The following SEMA3F variants were observed in gnomAD, a reference collection of about 807,000 sequenced individuals.
SEMA3F encodes the protein semaphorin 3F.
SEMA3F carries 30 observed loss-of-function variants against 98.5 expected under a neutral mutation model. That is an observed-to-expected ratio of 0.30 (90% CI 0.23 to 0.41). The LOEUF (loss-of-function observed/expected upper bound fraction) is 0.41, where lower values mean the gene tolerates loss of function less well. Ranked by LOEUF, SEMA3F falls within the 10% of genes least tolerant of loss-of-function variation. The pLI is 1.00. For missense variants in SEMA3F, 866 were observed against 1,119.3 expected, an observed-to-expected ratio of 0.77 and a Z score of 3.23; for synonymous variants, 380 against 444.8, an observed-to-expected ratio of 0.85 and a Z score of 1.83.
At chr3:50,181,439 A>G (rs2109108685) in intron 7 of SEMA3F, among the ~76,000 whole-genome samples, 1 of 151,514 alleles carries the variant, frequency 6.6e-6, no homozygotes, top group Non-Finnish European at 1.5e-5. Flanking sequence ...TTCCTGCCTC[A>G]GCCTCCTGAG....
intron 2 of SEMA3F, among the ~76,000 whole-genome samples, chr3:50,168,619 G>A (rs889343565): frequency 2.0e-5 from 3 of 152,186 alleles, no homozygotes; most frequent in Non-Finnish European, 4.4e-5. Flanking sequence ...AGGCCTTCCG[G>A]CTGGCCGCTC....
At chr3:50,183,291 TG>T in intron 11 of SEMA3F, 36 bp downstream of exon 11, 1 of 1,609,586 alleles carries the variant, frequency 6.2e-7, no homozygotes, top group Non-Finnish European at 8.5e-7. Context: ...TGGCAGGGAG[TG>T]GCCCCGTTGG....
chr3:50,178,891 G>A (rs1698917723), intron 7 of SEMA3F, among the ~76,000 whole-genome samples: 1 of 138,968 alleles, frequency 7.2e-6, no homozygotes, highest in Non-Finnish European at 1.5e-5. Flanking sequence ...GAGTGCAGTG[G>A]TGTGATTTCA....
At chr3:50,183,677 G>A (rs1179647262) in intron 12 of SEMA3F, 113 bp downstream of exon 12, 24 of 1,191,350 alleles carry the variant, frequency 2.0e-5, no homozygotes, top group East Asian at 9.5e-5. Context: ...CAGCGGAGGC[G>A]GTGAGCTGTA....
Position 50,188,020 on chromosome 3 carries a change from C to T in SEMA3F, c.2263C>T (p.Pro755Ser), listed in dbSNP as rs779699515. The T allele has an allele frequency of 2.5e-6, 4 of 1,601,434 alleles. No homozygotes were observed. Among genetic ancestry groups the T allele is most frequent in the South Asian group, 2.2e-5 (2 of 89,124 alleles). The change falls in exon 19 of 19, where the codon CCC (proline) becomes TCC (serine). Residue 755 changes from proline (P) to serine (S), a missense_variant. Coordinates refer to ENST00000002829, the MANE Select transcript of SEMA3F (RefSeq NM_004186.5). The surrounding 1 kb of genome is among the most constrained non-coding windows in gnomAD (Gnocchi z 4.5). ...YCQGYWRHVP[P>S]SPREAPGAPR... ...CCAGGGTTACTGGCGCCATGTGCCC[C>T]CCAGCCCCAGGGAGGCTCCAGGGGC...
chr3:50,184,922 A>G, intron 13 of SEMA3F, 108 bp downstream of exon 13: 1 of 765,444 alleles, frequency 1.3e-6, no homozygotes, highest in Non-Finnish European at 2.1e-6. Flanking sequence ...AGCTCATCAG[A>G]GTCACTTCTT....
At chr3:50,181,384 C>CAT (rs1699010531) in intron 7 of SEMA3F, among the ~76,000 whole-genome samples, 1 of 146,988 alleles carries the variant, frequency 6.8e-6, no homozygotes, top group Non-Finnish European at 1.5e-5. Flanking sequence ...TGCAGTGGTG[C>CAT]GATCTCGGCT....
chr3:50,164,727 G>A (rs1436468659), intron 2 of SEMA3F, among the ~76,000 whole-genome samples: 1 of 152,218 alleles, frequency 6.6e-6, no homozygotes, highest in Non-Finnish European at 1.5e-5. Flanking sequence ...TCCTGTGTAA[G>A]GTGGGAATGG....
chr3:50,185,402 G>C, intron 13 of SEMA3F, 41 bp from the exon 14 acceptor site: 44 of 1,332,688 alleles, frequency 3.3e-5, no homozygotes, highest in Non-Finnish European at 4.4e-5. Flanking sequence ...CCCTTCCCCA[G>C]CATCCCCAGC....
Position 50,185,451 on chromosome 3 carries a change from A to G in SEMA3F, c.1465A>G (p.Thr489Ala), listed in dbSNP as rs770790599. 4 of 1,608,352 alleles carry G rather than the reference A, an allele frequency of 2.5e-6. No individual in the cohort carries two copies. In the Admixed American group the frequency reaches 6.7e-5, roughly 27 times the overall value. ...TGCCCGGCCCGTTCCAGACCGCGGG[A>G]CAGTGCAGAAGGTCATTGTGCTGCC... The part of the protein sequence containing the change: ...EVLFLGTDRG[T>A]VQKVIVLPKD... Residue 489 changes from threonine to alanine, a missense_variant, in exon 14 of 19, where the codon ACA becomes GCA. Physicochemically the swap from Thr to Ala is moderately conservative, Grantham distance 58 (BLOSUM62 0). Coordinates refer to ENST00000002829, the MANE Select transcript of SEMA3F (RefSeq NM_004186.5).
At chr3:50,155,061 C>T, upstream of SEMA3F, 1 of 360,802 alleles carries the variant, frequency 2.8e-6, no homozygotes, top group Non-Finnish European at 5.1e-6. This position sits in a 1 kb window ranked among gnomAD's most constrained non-coding sequence, Gnocchi z 4.9. Context: ...CGGCTCTGAG[C>T]GCCCCGTCCC....
intron 7 of SEMA3F, among the ~76,000 whole-genome samples, chr3:50,180,163 A>AT (rs1252824483): frequency 6.6e-6 from 1 of 150,602 alleles, no homozygotes; most frequent in East Asian, 1.9e-4. Context: ...TTGTTTGTTT[A>AT]TTTTTTGACA....
chr3:50,164,093 C>T lies in SEMA3F; in HGVS notation c.112+4359C>T, dbSNP rs568074556. 3.3e-5 allele frequency among the ~76,000 whole-genome samples: 5 copies of T among 152,204 alleles called. No individual in the cohort carries two copies. The South Asian group carries it at 8.3e-4, about 25-fold the overall frequency. ...TGTGCTTGCTGGAGAACCTGCCTGA[C>T]GCCCAGCCTGGGTCAGCCAGGCCAG... On this transcript the variant is annotated intron_variant, in intron 2 of 18. Coordinates refer to ENST00000002829, the MANE Select transcript of SEMA3F (RefSeq NM_004186.5).
rs1575407867 is a variant in SEMA3F, at chr3:50,184,449, G to A, written c.1234-143G>A. 10 of 666,150 alleles carry A rather than the reference G, an allele frequency of 1.5e-5. No homozygotes were observed. The East Asian group carries it at 2.7e-4, about 18-fold the overall frequency. 41.3% of individuals were successfully genotyped at this position (666,150 alleles called of 1,614,324 possible). A position where few individuals can be genotyped will look rare whatever the true frequency, so the allele number is the denominator to read the frequency against. On this transcript the variant is annotated intron_variant, in intron 12 of 18. Transcript: ENST00000002829. ...CAGGACCTGTAGAGGTCAGGTGCAG[G>A]GCAGAAACTTGGAGAGCGGGTTTGG...
At chr3:50,187,617 A>G in intron 18 of SEMA3F, 88 bp from the exon 19 acceptor site, 1 of 1,162,614 alleles carries the variant, frequency 8.6e-7, no homozygotes, top group Non-Finnish European at 1.2e-6. Flanking sequence ...TCTACACGGA[A>G]TGGCCACAAA....
rs1434481335 is a variant in SEMA3F at position 50,183,268 on chromosome 3, T to A, written c.1088+13T>A. On this transcript the variant is annotated intron_variant, in intron 11 of 18. Coordinates refer to ENST00000002829, the MANE Select transcript of SEMA3F (RefSeq NM_004186.5). ...TTACCTCCTCTGGGTGAGGCTGGGG[T>A]CAGGGCCAGCAGTGGCAGGGAGTGG... 6.2e-7 allele frequency: 1 copy of A among 1,613,432 alleles called. No individual in the cohort carries two copies. The highest frequency in any genetic ancestry group is 1.7e-5 in the Admixed American group (1 of 60,018).
rs200202088 is a variant in SEMA3F, at chr3:50,183,601, T to G, written c.1233+37T>G. Reference sequence around the variant, plus strand: ...ACTCATCCTGCCTCTCCCCTTTCTCTTCTTCTAAGAGGCCTCTGGGTCAGG... The same window carrying G: ...ACTCATCCTGCCTCTCCCCTTTCTCGTCTTCTAAGAGGCCTCTGGGTCAGG... On this transcript the variant is annotated intron_variant, in intron 12 of 18. Coordinates refer to ENST00000002829, the MANE Select transcript of SEMA3F (RefSeq NM_004186.5). The G allele has an allele frequency of 7.0e-5, 113 of 1,606,684 alleles. 1 individual carries two copies. Among genetic ancestry groups the G allele is most frequent in the Non-Finnish European group, 9.4e-6 (11 of 1,176,092 alleles).
In SEMA3F at chr3:50,174,230, G is replaced by A; in HGVS notation, c.337-1G>A. ...CTATGCAGCCTTCCCTGTGGCCCCA[G>A]GGCGAGTGTGGGAACTTCGTCAGGC... On this transcript the variant is annotated splice_acceptor_variant, in intron 4 of 18. Transcript: ENST00000002829. LOFTEE classifies it high-confidence loss of function. 6.2e-7 allele frequency: 1 copy of A among 1,613,760 alleles called. No homozygotes were observed. Among genetic ancestry groups the A allele is most frequent in the Non-Finnish European group, 8.5e-7 (1 of 1,179,946 alleles).
intron 2 of SEMA3F, among the ~76,000 whole-genome samples, chr3:50,161,216 G>A (rs1360942429): frequency 6.6e-6 from 1 of 152,152 alleles, no homozygotes; most frequent in Non-Finnish European, 1.5e-5. Context: ...TGTTGTTTTT[G>A]TCATCATGCA....
Sources: allele counts gnomAD v4.1 joint callset (sites outside exome capture counted in the v4.1 genomes callset), GRCh38; gene constraint gnomAD v4.1.1; non-coding constraint Gnocchi (gnomAD v3.1); transcripts MANE v1.5; gene names NCBI Gene and HGNC (gene_info 2026-07-23, HGNC 2026-07-21).